The following KDM6A variants were observed in gnomAD, a reference collection of about 807,000 sequenced individuals.
KDM6A encodes the protein lysine-specific demethylase 6A.
In KDM6A, 11 loss-of-function variants were observed where a neutral mutation model predicts 117.6. The ratio of observed to expected loss-of-function variants is 0.09; its 90% CI spans 0.06 to 0.15. The LOEUF (loss-of-function observed/expected upper bound fraction) is 0.15. KDM6A is among the 10% of genes least tolerant of loss of function. KDM6A has a pLI of 1.00. For synonymous variants in KDM6A, 384 were observed against 396.1 expected, an observed-to-expected ratio of 0.97 and a Z score of 0.36; for missense variants, 799 against 1,077.3, an observed-to-expected ratio of 0.74 and a Z score of 3.62.
chrX:45,077,189 AC>A (rs1215930893), intron 19 of KDM6A, among the ~76,000 whole-genome samples: 1 of 108,998 alleles, frequency 9.2e-6, no homozygotes, highest in Non-Finnish European at 1.9e-5. Flanking sequence ...TTATACATCT[AC>A]CCCCCCAAAA....
chrX:45,004,492 C>T (rs1252024340), intron 4 of KDM6A, among the ~76,000 whole-genome samples: 4 of 111,197 alleles, frequency 3.6e-5, no homozygotes. Context: ...AATGTCTGGC[C>T]AACTTTTAGT....
Position 45,073,092 on chromosome X carries a change from A to G in KDM6A, c.2858+2735A>G, listed in dbSNP as rs189816943. Among the ~76,000 whole-genome samples the G allele has an allele frequency of 7.6e-3, 829 of 109,744 alleles. 13 individuals carry two copies. The highest frequency in any genetic ancestry group is 0.026 in the African/African-American group (794 of 30,082). The stretch of plus-strand genomic sequence containing the variant: ...CTGTGTCCATGTGTTCTCATTGTTC[A>G]GTTCCTAGCTATGAGTGAGAACATG... On this transcript the variant is annotated intron_variant, in intron 18 of 29. Transcript: ENST00000611820.
intron 3 of KDM6A, among the ~76,000 whole-genome samples, chrX:44,967,853 C>G (rs868057700): frequency 1.8e-5 from 2 of 112,256 alleles, no homozygotes; most frequent in Middle Eastern, 4.6e-3. Flanking sequence ...ATTTTCTTAG[C>G]TTTTCTGGCT....
intron 2 of KDM6A, among the ~76,000 whole-genome samples, chrX:44,895,272 A>T (rs1336094561): frequency 9.4e-6 from 1 of 105,926 alleles, no homozygotes; most frequent in Non-Finnish European, 1.9e-5. Flanking sequence ...CGCCTGGCTA[A>T]TTTTTTTTAT....
At position 44,874,192 on chromosome X, in the gene KDM6A, T is replaced by G. The variant is rs189569625; in HGVS notation, c.225+205T>G. Among the ~76,000 whole-genome samples the G allele has an allele frequency of 5.9e-3, 653 of 111,521 alleles. 5 individuals carry two copies. The highest frequency in any genetic ancestry group is 0.02 in the African/African-American group (614 of 30,692). On this transcript the variant is annotated intron_variant, in intron 2 of 29. Transcript: ENST00000611820. ...GAAATCGCTCTTTTCCTCTTGTAGC[T>G]GGAGGAACAGAGACGGGATCGCTTT...
At chrX:44,935,860 A>G (rs1483424571) in intron 2 of KDM6A, among the ~76,000 whole-genome samples, 1 of 111,892 alleles carries the variant, frequency 8.9e-6, no homozygotes, top group East Asian at 2.8e-4. Context: ...CGCAGGAAAC[A>G]GCATGCCAGC....
rs1204538966 is a variant in KDM6A, at chrX:45,089,356, G to A, written c.3705-387G>A. Among the ~76,000 whole-genome samples the A allele has an allele frequency of 5.4e-5, 6 of 110,151 alleles. No homozygotes were observed. In the East Asian group the frequency reaches 8.6e-4, roughly 16 times the overall value. ...AGCTTGGCCAACCTGGTGAAACCCC[G>A]TCTGTACTGAAAATACAAAATTAGC... On this transcript the variant is annotated intron_variant, in intron 25 of 29. Coordinates refer to ENST00000611820, the MANE Select transcript of KDM6A (RefSeq NM_001291415.2).
intron 4 of KDM6A, among the ~76,000 whole-genome samples, chrX:44,981,780 A>G (rs2039924398): frequency 9.0e-6 from 1 of 111,671 alleles, no homozygotes. Context: ...TTATCTCGTT[A>G]GCATAAAAGA....
chrX:44,930,548 A>T (rs768607792), intron 2 of KDM6A, among the ~76,000 whole-genome samples: 1 of 111,819 alleles, frequency 8.9e-6, no homozygotes, highest in Admixed American at 9.5e-5. Flanking sequence ...GGGTTGTTCT[A>T]TTCAAGATAT....
intron 13 of KDM6A, 56 bp from the exon 14 acceptor site, chrX:45,060,553 G>A: frequency 1.1e-6 from 1 of 892,005 alleles, no homozygotes; most frequent in Non-Finnish European, 1.5e-6. Flanking sequence ...ATAATTTGAA[G>A]GAATGAATTA....
chrX:44,956,569 A>AT (rs1391260630), intron 2 of KDM6A, among the ~76,000 whole-genome samples: 1 of 109,736 alleles, frequency 9.1e-6, no homozygotes, highest in Non-Finnish European at 1.9e-5. Context: ...TGCCTGGGTA[A>AT]TTTTTTTTAA....
chrX:44,902,285 A>C (rs977615905), intron 2 of KDM6A, among the ~76,000 whole-genome samples: 6 of 111,185 alleles, frequency 5.4e-5, no homozygotes, highest in African/African-American at 2.0e-4. Flanking sequence ...GTAAGTGTTT[A>C]TTTGCATTTT....
At chrX:45,069,167 A>G (rs1252400713) in intron 17 of KDM6A, among the ~76,000 whole-genome samples, 1 of 112,503 alleles carries the variant, frequency 8.9e-6, no homozygotes, top group East Asian at 2.8e-4. Flanking sequence ...AGGCTTAATG[A>G]ACTCACTTTC....
chrX:45,093,072 G>A (rs1397670526), intron 27 of KDM6A, among the ~76,000 whole-genome samples: 1 of 110,660 alleles, frequency 9.0e-6, no homozygotes, highest in African/African-American at 3.3e-5. Flanking sequence ...AAAGGAATAG[G>A]TTTCACTTTA....
intron 27 of KDM6A, among the ~76,000 whole-genome samples, chrX:45,105,974 T>A (rs900256963): frequency 8.9e-6 from 1 of 111,869 alleles, no homozygotes; most frequent in African/African-American, 3.2e-5. Flanking sequence ...TGCCTGATGA[T>A]CTGAGGTGGA....
chrX:44,928,387 A>G (rs946437077), intron 2 of KDM6A, among the ~76,000 whole-genome samples: 5 of 112,120 alleles, frequency 4.5e-5, no homozygotes, highest in African/African-American at 1.6e-4. Flanking sequence ...CTATCTTTTC[A>G]ACTTTTCTGA....
At chrX:45,105,034 G>A (rs980109296) in intron 27 of KDM6A, among the ~76,000 whole-genome samples, 1 of 111,488 alleles carries the variant, frequency 9.0e-6, no homozygotes, top group Non-Finnish European at 1.9e-5. Flanking sequence ...TATCTGCTGA[G>A]TAACAAGTAG....
intron 2 of KDM6A, among the ~76,000 whole-genome samples, chrX:44,875,713 G>T (rs927214657): frequency 1.8e-5 from 2 of 111,403 alleles, no homozygotes; most frequent in Non-Finnish European, 3.8e-5. Flanking sequence ...GTCTAACATG[G>T]GTTAATAAAA....
chrX:45,083,045 C>G (rs1461837199), intron 23 of KDM6A, among the ~76,000 whole-genome samples: 1 of 110,457 alleles, frequency 9.1e-6, no homozygotes, highest in Non-Finnish European at 1.9e-5. Flanking sequence ...CCCACCTCAG[C>G]CTTCCAAAGT....
Sources: gnomAD v4.1 joint callset for allele counts (sites outside exome capture counted in the v4.1 genomes callset) on GRCh38, gnomAD v4.1.1 for gene constraint, MANE v1.5 for transcripts, NCBI Gene and HGNC (gene_info 2026-07-23, HGNC 2026-07-21) for gene names.